Variants in AQP9 observed in about 807,000 individuals in gnomAD.
AQP9 encodes aquaporin-9.
A neutral mutation model predicts 23.8 loss-of-function variants in AQP9; 19 were observed. The ratio of observed to expected loss-of-function variants is 0.80; its 90% CI spans 0.56 to 1.17. AQP9 has a LOEUF of 1.17. Among genes scored for constraint, AQP9 ranks in the 50% most tolerant of loss-of-function variants. AQP9 has a pLI of 0.00. For missense variants in AQP9, 413 were observed against 362.0 expected (o/e 1.14, Z -1.14); for synonymous variants, 153 against 131.5 (o/e 1.16, Z -1.12).
chr15:58,153,159 A>G (rs186077982), intron 1 of AQP9: 2 of 152,276 alleles, frequency 1.3e-5, no homozygotes, highest in Admixed American at 1.3e-4. Flanking sequence ...TAGCTATAGC[A>G]TGATTCCTCT....
chr15:58,147,371 C>T (rs1229843290), intron 1 of AQP9, among the ~76,000 whole-genome samples: 2 of 152,088 alleles, frequency 1.3e-5, no homozygotes, highest in African/African-American at 4.8e-5. Flanking sequence ...ACCTAACAAC[C>T]CACAGATGGT....
chr15:58,175,247 G>A (rs1663244), intron 4 of AQP9, among the ~76,000 whole-genome samples: 128,702 of 152,292 alleles, frequency 0.85, 55,845 homozygotes, highest in Non-Finnish European at 0.95. Flanking sequence ...TCTTTAATAC[G>A]TACACTTGTT....
At chr15:58,158,129 T>C (rs1022957773) in intron 1 of AQP9, among the ~76,000 whole-genome samples, 2 of 152,162 alleles carry the variant, frequency 1.3e-5, no homozygotes, top group Non-Finnish European at 2.9e-5. Context: ...GGCTGCTACC[T>C]GGGGTCTTCA....
chr15:58,148,844 G>A (rs1898096222), intron 1 of AQP9, among the ~76,000 whole-genome samples: 1 of 152,086 alleles, frequency 6.6e-6, no homozygotes, highest in Non-Finnish European at 1.5e-5. Flanking sequence ...TCTACTTGGA[G>A]AGCACTGAGG....
chr15:58,181,039 C>A (rs1218246512), intron 5 of AQP9, among the ~76,000 whole-genome samples: 1 of 152,182 alleles, frequency 6.6e-6, no homozygotes, highest in African/African-American at 2.4e-5. Context: ...GGAGACCAAG[C>A]TCTTCTTCCA....
intron 4 of AQP9, among the ~76,000 whole-genome samples, chr15:58,177,435 G>T (rs1171108743): frequency 6.6e-6 from 1 of 152,220 alleles, no homozygotes; most frequent in Non-Finnish European, 1.5e-5. Context: ...CTTTTACTCT[G>T]CAAGAGAGAG....
Position 58,138,533 on chromosome 15 carries a change from G to T in AQP9, c.-33G>T, listed in dbSNP as rs1566978305. On this transcript the variant is annotated 5_prime_UTR_variant, in exon 1 of 6. Transcript: ENST00000219919. ...GTGAGGACCACAACAGGTAGGTATT[G>T]GTAGAAACAGGAGTCCTCAGAGAAG... The T allele has an allele frequency of 3.2e-6, 5 of 1,572,662 alleles. No individual in the cohort carries two copies. Among genetic ancestry groups the T allele is most frequent in the African/African-American group, 2.7e-5 (2 of 73,616 alleles).
rs143727044 is a variant in AQP9, at chr15:58,166,684, T to C, written c.123T>C (p.Cys41=). 1 of 1,610,786 alleles carries C rather than the reference T, an allele frequency of 6.2e-7. No individual in the cohort carries two copies. Among genetic ancestry groups the C allele is most frequent in the Non-Finnish European group, 8.5e-7 (1 of 1,178,274 alleles). Residue 41 remains cysteine, a synonymous_variant, in exon 2 of 6, where the codon TGT becomes TGC. Transcript: ENST00000219919. ...TCCTCTCATTCCAGGTCCTTGGATG[T>C]GGCTGTGTTGCCCAAGCTATTCTCA... The part of the protein sequence containing the change: ...LGTFILIVLG[C]GCVAQAILSR...
At chr15:58,168,910 A>G (rs1053223012) in intron 2 of AQP9, among the ~76,000 whole-genome samples, 6 of 152,146 alleles carry the variant, frequency 3.9e-5, no homozygotes, top group African/African-American at 1.4e-4. Context: ...GTTTTGGAGT[A>G]TTTTGCCTGC....
intron 1 of AQP9, among the ~76,000 whole-genome samples, chr15:58,148,149 T>C (rs1941644069): frequency 1.3e-5 from 2 of 152,172 alleles, no homozygotes; most frequent in South Asian, 4.1e-4. Flanking sequence ...TCAAAGCATT[T>C]TTGTAGGGAG....
At chr15:58,160,401 T>G (rs746742821) in intron 1 of AQP9, among the ~76,000 whole-genome samples, 4 of 152,228 alleles carry the variant, frequency 2.6e-5, no homozygotes, top group Middle Eastern at 3.2e-3. Flanking sequence ...ATATTATGGT[T>G]ATCAATCCCT....
At chr15:58,149,941 G>C (rs1898116487) in intron 1 of AQP9, among the ~76,000 whole-genome samples, 2 of 152,346 alleles carry the variant, frequency 1.3e-5, no homozygotes, top group East Asian at 1.9e-4. Context: ...GGTAGCCACA[G>C]ATGCTTTCTC....
chr15:58,159,686 AC>A (rs1403823557), intron 1 of AQP9, among the ~76,000 whole-genome samples: 4 of 152,130 alleles, frequency 2.6e-5, no homozygotes, highest in Non-Finnish European at 5.9e-5. Flanking sequence ...ACCTCTAGTA[AC>A]TACCCATCTA....
intron 5 of AQP9, among the ~76,000 whole-genome samples, chr15:58,180,934 C>T (rs1357213027): frequency 6.6e-6 from 1 of 152,150 alleles, no homozygotes; most frequent in Non-Finnish European, 1.5e-5. Flanking sequence ...TCCAATGGAG[C>T]ATCAAAAACA....
intron 1 of AQP9, among the ~76,000 whole-genome samples, chr15:58,158,953 C>G (rs1279077670): frequency 1.3e-5 from 2 of 152,148 alleles, no homozygotes; most frequent in African/African-American, 4.8e-5. Context: ...TACATACTCA[C>G]CGAACAAATA....
At chr15:58,171,470 C>A (rs1898619932) in intron 2 of AQP9, among the ~76,000 whole-genome samples, 1 of 152,170 alleles carries the variant, frequency 6.6e-6, no homozygotes, top group African/African-American at 2.4e-5. Context: ...AGAAGAGAAA[C>A]TTCCCACTGC....
chr15:58,184,400 C>T lies in AQP9; in HGVS notation c.*265C>T, dbSNP rs113667260. The T allele has an allele frequency of 0.017, 5,929 of 349,432 alleles. 103 individuals carry two copies. Among genetic ancestry groups the T allele is most frequent in the Middle Eastern group, 0.055 (74 of 1,354 alleles). 21.6% of individuals were successfully genotyped at this position (349,432 alleles called of 1,614,324 possible). A position where few individuals can be genotyped will look rare whatever the true frequency, so the allele number is the denominator to read the frequency against. ...TCTCCTGCCCTGTTTATTTCATCCT[C>T]GATGGGAATTCTTGCTAGGTAAGCA... On this transcript the variant is annotated 3_prime_UTR_variant, in exon 6 of 6. Coordinates refer to ENST00000219919, the MANE Select transcript of AQP9 (RefSeq NM_020980.5).
chr15:58,166,072 G>A (rs528299624), intron 1 of AQP9, among the ~76,000 whole-genome samples: 9 of 152,138 alleles, frequency 5.9e-5, no homozygotes, highest in Non-Finnish European at 1.3e-4. Flanking sequence ...TGTGTGTATG[G>A]TGGTTTGTGT....
At chr15:58,173,320 A>G (rs1898666177) in intron 3 of AQP9, 115 bp downstream of exon 3, 4 of 1,441,842 alleles carry the variant, frequency 2.8e-6, no homozygotes, top group Non-Finnish European at 3.8e-6. Flanking sequence ...TCTACAAGTG[A>G]CAGCAAGTTC....
Sources: allele counts gnomAD v4.1 joint callset (sites outside exome capture counted in the v4.1 genomes callset), GRCh38; gene constraint gnomAD v4.1.1; transcripts MANE v1.5; gene names NCBI Gene and HGNC (gene_info 2026-07-23, HGNC 2026-07-21).